CGA: variants seen among roughly 807,000 people sequenced by gnomAD.
CGA encodes the protein glycoprotein hormones, alpha polypeptide.
In CGA, 4 loss-of-function variants were observed where a neutral mutation model predicts 12.0. That is an observed-to-expected ratio of 0.33 (90% CI 0.16 to 0.76). The LOEUF (loss-of-function observed/expected upper bound fraction) is 0.76, where lower values mean the gene tolerates loss of function less well. Among genes scored for constraint, CGA ranks in the 30% least tolerant of loss-of-function variants. The pLI, the probability that CGA is intolerant of heterozygous loss-of-function variation, is 0.60. For missense variants in CGA, 102 were observed against 143.5 expected (o/e 0.71, Z 1.48); for synonymous variants, 60 against 56.6 (o/e 1.06, Z -0.27).
chr6:87,094,390 A>G (rs1019012225), intron 1 of CGA, among the ~76,000 whole-genome samples: 6 of 152,372 alleles, frequency 3.9e-5, no homozygotes, highest in African/African-American at 1.4e-4. Context: ...GAACTAATCA[A>G]TTAGACTTGG....
chr6:87,088,237 AC>A (rs1554188747), intron 1 of CGA, 30 bp from the exon 2 acceptor site: 32,392 of 393,874 alleles, frequency 0.082, 1,459 homozygotes, highest in East Asian at 0.19. Flanking sequence ...AAAAAAAAAA[AC>A]AAAAAACAGT....
At chr6:87,086,194 T>C (rs112465509) in intron 3 of CGA, 56 bp downstream of exon 3, 8 of 1,498,370 alleles carry the variant, frequency 5.3e-6, no homozygotes, top group South Asian at 5.0e-5. Context: ...GTGGGCTCTA[T>C]GAACATTTCT....
chr6:87,094,596 A>G (rs918154078), intron 1 of CGA, among the ~76,000 whole-genome samples: 2 of 152,212 alleles, frequency 1.3e-5, no homozygotes, highest in African/African-American at 4.8e-5. Flanking sequence ...GAACAAGTGA[A>G]CCACTTTATC....
chr6:87,087,501 A>C (rs1416093075), intron 2 of CGA, among the ~76,000 whole-genome samples: 1 of 152,222 alleles, frequency 6.6e-6, no homozygotes, highest in African/African-American at 2.4e-5. Flanking sequence ...AAATATTGAC[A>C]GAGAGAAATA....
Position 87,095,003 on chromosome 6 carries a change from T to C in CGA, c.-8+10A>G, listed in dbSNP as rs1449026173. 6.6e-6 allele frequency: 1 copy of C among 152,236 alleles called. No individual in the cohort carries two copies. The highest frequency in any genetic ancestry group is 1.5e-5 in the Non-Finnish European group (1 of 68,054). The allele number at this position is 152,236 out of a possible 1,614,324, so 9.4% of individuals were successfully genotyped here. On this transcript the variant is annotated intron_variant, in intron 1 of 3. Coordinates refer to ENST00000627148, the MANE Select transcript of CGA (RefSeq NM_000735.4). The stretch of plus-strand genomic sequence containing the variant: ...ATTAAAGTCCCCCAAAATTATTTCA[T>C]TCATATTACCTTTCTCTGGGCTTTT...
At position 87,085,535 on chromosome 6, in the gene CGA, C is replaced by A. The variant is rs985640863; in HGVS notation, c.*221G>T. On this transcript the variant is annotated 3_prime_UTR_variant, in exon 4 of 4. Transcript: ENST00000627148. The stretch of plus-strand genomic sequence containing the variant: ...TTAAAAGGCTTTATTTGCAGTGGAA[C>A]AAGCTAAATGCTGTATTCATTCCAA... The A allele has an allele frequency of 6.7e-6, 3 of 447,536 alleles. No individual in the cohort carries two copies. The highest frequency in any genetic ancestry group is 1.2e-5 in the Non-Finnish European group (3 of 246,194). 27.7% of individuals were successfully genotyped at this position (447,536 alleles called of 1,614,324 possible). A position where few individuals can be genotyped will look rare whatever the true frequency, so the allele number is the denominator to read the frequency against.
chr6:87,086,535 G>T (rs753953514), intron 2 of CGA, 101 bp from the exon 3 acceptor site: 12 of 1,172,122 alleles, frequency 1.0e-5, no homozygotes, highest in Non-Finnish European at 1.4e-5. Flanking sequence ...CTAGCACTTT[G>T]GGAGGCCTTA....
intron 2 of CGA, 34 bp downstream of exon 2, chr6:87,088,079 C>G: frequency 7.8e-7 from 1 of 1,281,870 alleles, no homozygotes; most frequent in Admixed American, 2.0e-5. Context: ...TGTGTGTTGT[C>G]CTTATTACTT....
Position 87,086,412 on chromosome 6 carries a change from C to T in CGA, c.111G>A (p.Gln37=), listed in dbSNP as rs1769325116. 3 of 1,609,128 alleles carry T rather than the reference C, an allele frequency of 1.9e-6. No individual in the cohort carries two copies. Among genetic ancestry groups the T allele is most frequent in the Non-Finnish European group, 2.5e-6 (3 of 1,178,564 alleles). Residue 37 remains glutamine (Q), a synonymous_variant, in exon 3 of 4, where the codon CAG becomes CAA. Transcript: ENST00000627148. ...CCGGCTGGGAGAAGAATGGGTTTTC[C>T]TGTAGCGTGCATTCTGGGCAATCTA... The part of the protein sequence containing the change: ...DVQDCPECTL[Q]ENPFFSQPGA...
intron 1 of CGA, chr6:87,089,274 A>T (rs962096889): frequency 5.9e-4 from 90 of 152,390 alleles, no homozygotes; most frequent in African/African-American, 2.1e-3. Context: ...AAGGGATAGC[A>T]CAAGGGAGCT....
In CGA at chr6:87,086,443, G is replaced by GT. The variant is rs1554188582; in HGVS notation, c.89-10_89-9insA. 1.2e-5 allele frequency: 18 copies of GT among 1,554,200 alleles called. No homozygotes were observed. Among genetic ancestry groups the GT allele is most frequent in the Non-Finnish European group, 1.6e-5 (18 of 1,151,716 alleles). On this transcript the variant is annotated splice_polypyrimidine_tract_variant and intron_variant, in intron 2 of 3. Transcript: ENST00000627148. ...CGTGCATTCTGGGCAATCTATCAGG[G>GT]AAAAAAAAAGGCAGAGTAAAATATC... is the stretch of plus-strand genomic sequence containing the variant.
In CGA at chr6:87,091,962, G is replaced by C. The variant is rs116128551; in HGVS notation, c.-8+3051C>G. ...CGAGAGGTGGAAGCGGCAGTGAGCC[G>C]AGATTGCGCCACTGCACTCTACCCT... On this transcript the variant is annotated intron_variant, in intron 1 of 3. Transcript: ENST00000627148. 3.3e-3 allele frequency among the ~76,000 whole-genome samples: 507 copies of C among 152,194 alleles called. 2 individuals carry two copies. Among genetic ancestry groups the C allele is most frequent in the African/African-American group, 0.012 (486 of 41,528 alleles).
At chr6:87,088,780 G>A (rs1475066517) in intron 1 of CGA, 1 of 152,118 alleles carries the variant, frequency 6.6e-6, no homozygotes, top group Admixed American at 6.6e-5. Flanking sequence ...AGATAACTCA[G>A]GCATTGCTGG....
At chr6:87,088,023 G>T in intron 2 of CGA, 90 bp downstream of exon 2, 1 of 630,354 alleles carries the variant, frequency 1.6e-6, no homozygotes, top group Non-Finnish European at 2.7e-6. Context: ...CTTTTGAAAA[G>T]GTGGTAGAAA....
chr6:87,086,902 A>T (rs1769335484), intron 2 of CGA, among the ~76,000 whole-genome samples: 1 of 152,178 alleles, frequency 6.6e-6, no homozygotes, highest in African/African-American at 2.4e-5. Context: ...ACATGGTGAA[A>T]CCCCATCTCT....
intron 2 of CGA, among the ~76,000 whole-genome samples, chr6:87,087,352 C>G (rs986094786): frequency 6.6e-6 from 1 of 152,142 alleles, no homozygotes; most frequent in Non-Finnish European, 1.5e-5. Context: ...GATTCTCTAT[C>G]CCAATGCTAA....
chr6:87,088,135 G>C lies in CGA; in HGVS notation c.66C>G (p.Leu22=). The C allele has an allele frequency of 6.3e-7, 1 of 1,595,334 alleles. No homozygotes were observed. Among genetic ancestry groups the C allele is most frequent in the East Asian group, 2.3e-5 (1 of 44,256 alleles). ...CACCCTGCACATCAGGAGCGGAATG[G>C]AGAACATGCAGAAACACCGACAATG... ...LVTLSVFLHV[L]HSAPDVQDCP... Residue 22 remains leucine, a synonymous_variant, in exon 2 of 4, where the codon CTC becomes CTG. Coordinates refer to ENST00000627148, the MANE Select transcript of CGA (RefSeq NM_000735.4).
intron 1 of CGA, among the ~76,000 whole-genome samples, chr6:87,091,232 A>T (rs1231075055): frequency 6.6e-6 from 1 of 151,796 alleles, no homozygotes; most frequent in Non-Finnish European, 1.5e-5. Context: ...TAAAGTGAAA[A>T]GAAGATTGAA....
At chr6:87,092,747 T>C (rs973067201) in intron 1 of CGA, among the ~76,000 whole-genome samples, 6 of 139,506 alleles carry the variant, frequency 4.3e-5, no homozygotes, top group East Asian at 2.0e-4. Flanking sequence ...GCTTTCTTTT[T>C]TTTTTTTTTT....
Sources: allele counts gnomAD v4.1 joint callset (sites outside exome capture counted in the v4.1 genomes callset), GRCh38; gene constraint gnomAD v4.1.1; transcripts MANE v1.5; gene names NCBI Gene and HGNC (gene_info 2026-07-23, HGNC 2026-07-21).